The following BAZ1A variants were observed in gnomAD, a reference collection of about 807,000 sequenced individuals.
The protein encoded by BAZ1A is bromodomain adjacent to zinc finger domain protein 1A.
BAZ1A carries 50 observed loss-of-function variants against 185.2 expected under a neutral mutation model. The ratio of observed to expected loss-of-function variants is 0.27; its 90% confidence interval spans 0.22 to 0.34. BAZ1A has a LOEUF of 0.34. BAZ1A is among the 10% of genes least tolerant of loss of function. The pLI is 1.00. For synonymous variants in BAZ1A, 571 were observed against 615.6 expected (o/e 0.93, Z 1.07); for missense variants, 1,356 against 1,839.9 (o/e 0.74, Z 4.81).
intron 3 of BAZ1A, among the ~76,000 whole-genome samples, chr14:34,839,763 C>T (rs2042384422): frequency 6.8e-6 from 1 of 146,324 alleles, no homozygotes; most frequent in African/African-American, 2.5e-5. Flanking sequence ...TGGCGTGAAC[C>T]TGGGAGGCGG....
At chr14:34,787,082 C>T (rs1019290716) in intron 12 of BAZ1A, among the ~76,000 whole-genome samples, 4 of 151,936 alleles carry the variant, frequency 2.6e-5, no homozygotes, top group Non-Finnish European at 4.4e-5. Context: ...AGGCCAAGTG[C>T]GGTGGCTCAT....
Position 34,800,255 on chromosome 14 carries a change from T to C in BAZ1A, c.1097A>G (p.Glu366Gly). The change falls in exon 9 of 27, where the codon GAA becomes GGA. Residue 366 changes from glutamate to glycine, a missense_variant. Glu to Gly is a moderately conservative substitution (Grantham distance 98). Around this residue, in one of 7 missense-constraint regions of BAZ1A, gnomAD observed 184 missense variants for 355.1 expected, o/e 0.52. Transcript: ENST00000360310. ...VEEERLKKKE[E>G]KERLKVEREK... is the part of the protein sequence containing the mutation. ...TCTTTCTACTTTAAGCCTCTCTTTT[T>C]CTTCTTTTTTCTTTAGTCTCTCTTC... 1 of 1,415,526 alleles carries C rather than the reference T, an allele frequency of 7.1e-7. No homozygotes were observed. The highest frequency in any genetic ancestry group is 9.6e-7 in the Non-Finnish European group (1 of 1,043,340). 87.7% of individuals were successfully genotyped at this position (1,415,526 alleles called of 1,614,324 possible). A position where few individuals can be genotyped will look rare whatever the true frequency, so the allele number is the denominator to read the frequency against.
In BAZ1A at chr14:34,771,623, T is replaced by A. The variant is rs777358097; in HGVS notation, c.3189A>T (p.Val1063=). Residue 1063 remains valine (V), a synonymous_variant, in exon 21 of 27, where the codon GTA becomes GTT. Coordinates refer to ENST00000360310, the MANE Select transcript of BAZ1A (RefSeq NM_013448.3). The part of the protein sequence containing the change: ...LGIKTETPST[V]STNASTPQSV... The stretch of plus-strand genomic sequence containing the variant: ...ATTGTGGTGTACTTGCATTTGTTGA[T>A]ACAGTACTTGGAGTTTCTGTTTTTA... The A allele has an allele frequency of 6.2e-7, 1 of 1,614,088 alleles. No individual in the cohort carries two copies. The highest frequency in any genetic ancestry group is 8.5e-7 in the Non-Finnish European group (1 of 1,180,002).
intron 2 of BAZ1A, among the ~76,000 whole-genome samples, chr14:34,863,095 T>C (rs1430727970): frequency 1.3e-5 from 2 of 149,300 alleles, no homozygotes; most frequent in Non-Finnish European, 3.0e-5. Flanking sequence ...TTTAAGCGAT[T>C]CTCCTGCCTC....
intron 3 of BAZ1A, among the ~76,000 whole-genome samples, chr14:34,832,219 T>C (rs570634868): frequency 0.011 from 906 of 85,848 alleles, 24 homozygotes; most frequent in African/African-American, 0.03. Flanking sequence ...CACACACATA[T>C]ATATATATAT....
At chr14:34,861,308 A>AT (rs2042765776) in intron 3 of BAZ1A, among the ~76,000 whole-genome samples, 1 of 152,136 alleles carries the variant, frequency 6.6e-6, no homozygotes, top group African/African-American at 2.4e-5. Flanking sequence ...AACATTGATA[A>AT]TTTTTCATTT....
At chr14:34,860,631 G>A (rs1427900964) in intron 3 of BAZ1A, among the ~76,000 whole-genome samples, 3 of 150,280 alleles carry the variant, frequency 2.0e-5, no homozygotes, top group African/African-American at 7.4e-5. Context: ...CTTAGGCCAA[G>A]CGCAGTGGCT....
rs540723621 is a variant in BAZ1A at position 34,800,242 on chromosome 14, A to G, written c.1110T>C (p.Leu370=). 7.1e-7 allele frequency: 1 copy of G among 1,416,018 alleles called. No homozygotes were observed. The highest frequency in any genetic ancestry group is 9.6e-7 in the Non-Finnish European group (1 of 1,043,176). 87.7% of individuals were successfully genotyped at this position (1,416,018 alleles called of 1,614,324 possible). A position where few individuals can be genotyped will look rare whatever the true frequency, so the allele number is the denominator to read the frequency against. ...TGAATACCTTTTCTCTTTCTACTTT[A>G]AGCCTCTCTTTTTCTTCTTTTTTCT... ...RLKKKEEKER[L]KVEREKEREK... is the part of the protein sequence containing the mutation. The change falls in exon 9 of 27, where the codon CTT becomes CTC. Residue 370 remains leucine, a synonymous_variant. Transcript: ENST00000360310.
intron 14 of BAZ1A, among the ~76,000 whole-genome samples, chr14:34,785,161 G>A (rs1880357357): frequency 6.6e-6 from 1 of 152,096 alleles, no homozygotes; most frequent in South Asian, 2.1e-4. Context: ...CAGCCCTCAA[G>A]TTTTAACTTT....
intron 12 of BAZ1A, among the ~76,000 whole-genome samples, chr14:34,788,727 G>A (rs926138324): frequency 1.3e-5 from 2 of 152,176 alleles, no homozygotes; most frequent in Non-Finnish European, 2.9e-5. Flanking sequence ...GAGATATGGA[G>A]ATGAGAATTC....
intron 9 of BAZ1A, among the ~76,000 whole-genome samples, chr14:34,797,813 G>GAGGGCGAGCCGAAGC (rs1334476951): frequency 5.3e-5 from 8 of 152,158 alleles, no homozygotes; most frequent in East Asian, 1.9e-4. Flanking sequence ...GGTGCCCATG[G>GAGGGCGAGCCGAAGC]AGGGCGAGCC....
In BAZ1A at chr14:34,875,142, G is replaced by A. The variant is rs1204858952; in HGVS notation, c.-63C>T. The A allele has an allele frequency of 1.0e-5, 4 of 401,326 alleles. No homozygotes were observed. The highest frequency in any genetic ancestry group is 5.5e-5 in the Admixed American group (2 of 36,590). The allele number at this position is 401,326 out of a possible 1,614,324, so 24.9% of individuals were successfully genotyped here. On this transcript the variant is annotated 5_prime_UTR_variant, in exon 1 of 27. Transcript: ENST00000360310. Reference sequence around the variant, plus strand: ...CGGCTCCCGAGCGACCCTCACCTGCGATCACGCCGACTGCCACTTGTCCAC... The same window carrying A: ...CGGCTCCCGAGCGACCCTCACCTGCAATCACGCCGACTGCCACTTGTCCAC...
intron 18 of BAZ1A, among the ~76,000 whole-genome samples, chr14:34,774,762 C>T (rs1879473659): frequency 6.6e-6 from 1 of 151,272 alleles, no homozygotes; most frequent in South Asian, 2.1e-4. Flanking sequence ...GGCAACAGAG[C>T]GAGACCCTGT....
At position 34,764,952 on chromosome 14, in the gene BAZ1A, T is replaced by C; in HGVS notation, c.3550-19A>G. 1 of 1,613,876 alleles carries C rather than the reference T, an allele frequency of 6.2e-7. No homozygotes were observed. The highest frequency in any genetic ancestry group is 1.7e-5 in the Admixed American group (1 of 59,958). On this transcript the variant is annotated intron_variant, in intron 22 of 26. Transcript: ENST00000360310. ...GCACAGTCTGAAAAAATCACATAAA[T>C]GATCATTAATCATCTATTGCTCAAA...
chr14:34,839,836 T>C (rs1309865964), intron 3 of BAZ1A, among the ~76,000 whole-genome samples: 3 of 76,696 alleles, frequency 3.9e-5, no homozygotes, highest in Admixed American at 2.5e-4. Context: ...CGAGCCTCTG[T>C]TTCAAAAAAA....
In BAZ1A at chr14:34,832,215, C is replaced by CACACACACATATATAT; in HGVS notation, c.393-6060_393-6059insATATATATGTGTGTGT. 2.9e-3 allele frequency among the ~76,000 whole-genome samples: 261 copies of CACACACACATATATAT among 89,686 alleles called. 3 individuals carry two copies. Among genetic ancestry groups the CACACACACATATATAT allele is most frequent in the African/African-American group, 9.4e-3 (253 of 26,774 alleles). The allele number at this position is 89,686 out of a possible 152,430, so 58.8% of individuals were successfully genotyped here. Reference sequence around the variant, plus strand: ...ATACACACACACACACACACACACACATATATATATATATATGTATGTATG... The same window carrying CACACACACATATATAT: ...ATACACACACACACACACACACACACACACACACATATATATATATATATATATATATGTATGTATG... On this transcript the variant is annotated intron_variant, in intron 3 of 26. Coordinates refer to ENST00000360310, the MANE Select transcript of BAZ1A (RefSeq NM_013448.3).
chr14:34,822,223 AG>A (rs1439289142), intron 4 of BAZ1A, among the ~76,000 whole-genome samples: 2 of 152,174 alleles, frequency 1.3e-5, no homozygotes, highest in African/African-American at 4.8e-5. Flanking sequence ...TAAACCAGGG[AG>A]GTGGAGTTTG....
chr14:34,827,040 G>A (rs187835552), intron 3 of BAZ1A, among the ~76,000 whole-genome samples: 1 of 152,196 alleles, frequency 6.6e-6, no homozygotes, highest in Admixed American at 6.5e-5. Context: ...TTTGGGACTT[G>A]CACCAGTGTC....
intron 18 of BAZ1A, 111 bp from the exon 19 acceptor site, chr14:34,774,601 C>T (rs1176301107): frequency 1.6e-5 from 14 of 870,510 alleles, no homozygotes; most frequent in Non-Finnish European, 2.4e-5. Flanking sequence ...TTTGTAAATC[C>T]TCAAGTGCCA....
Sources: gnomAD v4.1 joint callset for allele counts (sites outside exome capture counted in the v4.1 genomes callset) on GRCh38, gnomAD v4.1.1 for gene constraint, gnomAD v4.1.1 regional missense constraint, MANE v1.5 for transcripts, NCBI Gene and HGNC (gene_info 2026-07-23, HGNC 2026-07-21) for gene names.